EXOC2: variants seen among roughly 807,000 people sequenced by gnomAD.
The protein encoded by EXOC2 is exocyst complex component 2, also known as SEC5-like 1.
In EXOC2, 70 loss-of-function variants were observed where a neutral mutation model predicts 131.8. The ratio of observed to expected loss-of-function variants is 0.53; its 90% CI spans 0.44 to 0.65. The LOEUF (loss-of-function observed/expected upper bound fraction) is 0.65, where lower values mean the gene tolerates loss of function less well. Ranked by LOEUF, EXOC2 falls within the 30% of genes least tolerant of loss-of-function variation. The pLI, the probability that EXOC2 is intolerant of heterozygous loss-of-function variation, is 0.00. For missense variants in EXOC2, 923 were observed against 1,108.6 expected, an observed-to-expected ratio of 0.83 and a Z score of 2.38; for synonymous variants, 411 against 398.4, an observed-to-expected ratio of 1.03 and a Z score of -0.38.
intron 1 of EXOC2, among the ~76,000 whole-genome samples, chr6:671,114 C>T (rs981258315): frequency 2.7e-5 from 4 of 150,172 alleles, no homozygotes; most frequent in South Asian, 4.2e-4. Flanking sequence ...CCCAACACTT[C>T]GCGAGGCTAA....
intron 23 of EXOC2, among the ~76,000 whole-genome samples, chr6:523,671 T>C (rs1765599959): frequency 6.6e-6 from 1 of 152,240 alleles, no homozygotes; most frequent in Non-Finnish European, 1.5e-5. Flanking sequence ...CAAAGTATAA[T>C]CAGTTCTTTT....
intron 6 of EXOC2, among the ~76,000 whole-genome samples, chr6:615,035 C>T (rs925098389): frequency 1.3e-5 from 2 of 151,720 alleles, no homozygotes; most frequent in Middle Eastern, 3.4e-3. Flanking sequence ...AAACAGATAA[C>T]GAAAGGGCCT....
intron 7 of EXOC2, among the ~76,000 whole-genome samples, chr6:604,674 C>G (rs1760297173): frequency 6.6e-6 from 1 of 152,100 alleles, no homozygotes; most frequent in African/African-American, 2.4e-5. Context: ...GACCCTGCTT[C>G]CTGGGCTGCG....
At chr6:658,341 A>G (rs1763235309) in intron 1 of EXOC2, among the ~76,000 whole-genome samples, 1 of 152,108 alleles carries the variant, frequency 6.6e-6, no homozygotes, top group African/African-American at 2.4e-5. Context: ...ATTCTCTCAC[A>G]GATACTGCTC....
chr6:529,126 G>A (rs865998928), intron 23 of EXOC2, among the ~76,000 whole-genome samples: 30 of 97,386 alleles, frequency 3.1e-4, no homozygotes, highest in Admixed American at 2.3e-3. Flanking sequence ...ACCCCCCCCC[G>A]CGCCCTGGTT....
At chr6:505,242 T>C (rs1301760430) in intron 23 of EXOC2, among the ~76,000 whole-genome samples, 1 of 152,242 alleles carries the variant, frequency 6.6e-6, no homozygotes, top group Non-Finnish European at 1.5e-5. Context: ...TCATACATAG[T>C]CCTTGGAAGT....
chr6:496,109 C>T (rs963062021), intron 25 of EXOC2, among the ~76,000 whole-genome samples: 17 of 152,196 alleles, frequency 1.1e-4, no homozygotes, highest in East Asian at 7.7e-4. Context: ...TTATGAGGAG[C>T]GCAGTTTCCT....
chr6:622,229 CAG>C (rs1307993062), intron 4 of EXOC2, among the ~76,000 whole-genome samples: 1 of 152,180 alleles, frequency 6.6e-6, no homozygotes, highest in Admixed American at 6.5e-5. Context: ...TTCACTTGGT[CAG>C]AGAGTTAAAT....
At chr6:656,724 T>TCTTCCGAGACAC in intron 1 of EXOC2, 1 of 1,597,298 alleles carries the variant, frequency 6.3e-7, no homozygotes, top group Admixed American at 1.7e-5. Context: ...CTCATCGAGA[T>TCTTCCGAGACAC]CTTCCGAGAC....
intron 1 of EXOC2, among the ~76,000 whole-genome samples, chr6:686,445 A>G (rs9502433): frequency 0.14 from 21,766 of 152,176 alleles, 1,723 homozygotes; most frequent in African/African-American, 0.21. Flanking sequence ...TATTTATTTT[A>G]GGAATGGGAA....
At chr6:660,153 C>T (rs1294198442) in intron 1 of EXOC2, among the ~76,000 whole-genome samples, 1 of 150,046 alleles carries the variant, frequency 6.7e-6, no homozygotes, top group African/African-American at 2.5e-5. Context: ...CAGAACTCCA[C>T]CCCCATCCCC....
intron 1 of EXOC2, among the ~76,000 whole-genome samples, chr6:690,885 G>A (rs924621790): frequency 1.3e-5 from 2 of 152,170 alleles, no homozygotes; most frequent in African/African-American, 2.4e-5. Flanking sequence ...CAGGATCTGA[G>A]TACAATCAAC....
intron 1 of EXOC2, among the ~76,000 whole-genome samples, chr6:660,754 C>T (rs1193738): frequency 0.1 from 15,695 of 151,900 alleles, 892 homozygotes; most frequent in Admixed American, 0.13. Context: ...TCAACACCCC[C>T]GAAAAAATCA....
intron 21 of EXOC2, among the ~76,000 whole-genome samples, chr6:551,230 C>T (rs1331064631): frequency 2.0e-5 from 3 of 152,150 alleles, no homozygotes; most frequent in Admixed American, 6.5e-5. Context: ...CAGGAGAACC[C>T]GCTCAGTGAT....
chr6:658,663 A>AT (rs1321564513), intron 1 of EXOC2, among the ~76,000 whole-genome samples: 1,022 of 71,830 alleles, frequency 0.014, 14 homozygotes, highest in East Asian at 0.072. Context: ...ATATATATAT[A>AT]TATTTTTTTT....
In EXOC2 at chr6:486,591, C is replaced by G; in HGVS notation, c.*80G>C. The stretch of plus-strand genomic sequence containing the variant: ...AATGGCAAACCCAATGTTTAATACA[C>G]CAAATACCTTTAGGGTACTTAGAGA... On this transcript the variant is annotated 3_prime_UTR_variant, in exon 28 of 28. Transcript: ENST00000230449. 1.5e-6 allele frequency: 2 copies of G among 1,293,532 alleles called. No homozygotes were observed. The highest frequency in any genetic ancestry group is 2.2e-6 in the Non-Finnish European group (2 of 905,760). The allele number at this position is 1,293,532 out of a possible 1,614,324, so 80.1% of individuals were successfully genotyped here.
At chr6:514,822 G>C (rs1189253595) in intron 23 of EXOC2, among the ~76,000 whole-genome samples, 1 of 152,212 alleles carries the variant, frequency 6.6e-6, no homozygotes, top group Non-Finnish European at 1.5e-5. Context: ...GCCCCGTGAT[G>C]TCCCAGGAGG....
rs761349464 is a variant in EXOC2, at chr6:564,532, T to C, written c.1667+13A>G. On this transcript the variant is annotated intron_variant, in intron 15 of 27. Transcript: ENST00000230449. Reference sequence around the variant, plus strand: ...AGAAGTACGCCTTTCTCTGAGAATGTGTCCATACTCACCTTACAGTCTGGA... The same window carrying C: ...AGAAGTACGCCTTTCTCTGAGAATGCGTCCATACTCACCTTACAGTCTGGA... 2.8e-5 allele frequency: 45 copies of C among 1,613,716 alleles called. No homozygotes were observed. The highest frequency in any genetic ancestry group is 3.4e-5 in the Non-Finnish European group (40 of 1,179,824).
rs773959030 is a variant in EXOC2 at position 633,123 on chromosome 6, A to G, written c.119-6T>C. On this transcript the variant is annotated splice_region_variant and splice_polypyrimidine_tract_variant and intron_variant, in intron 2 of 27. Coordinates refer to ENST00000230449, the MANE Select transcript of EXOC2 (RefSeq NM_018303.6). ...ATGTCCACAAATGGTCAAGCCTGAA[A>G]ATAAACGCATGTGCATAACAAAATT... is the stretch of plus-strand genomic sequence containing the variant. 1 of 1,611,784 alleles carries G rather than the reference A, an allele frequency of 6.2e-7. No homozygotes were observed. Among genetic ancestry groups the G allele is most frequent in the South Asian group, 1.1e-5 (1 of 90,982 alleles).
Sources: allele counts gnomAD v4.1 joint callset (sites outside exome capture counted in the v4.1 genomes callset), GRCh38; gene constraint gnomAD v4.1.1; transcripts MANE v1.5; gene names NCBI Gene and HGNC (gene_info 2026-07-23, HGNC 2026-07-21).